The following PPP3R1 variants were observed in gnomAD, a reference collection of about 807,000 sequenced individuals.
The protein encoded by PPP3R1 is calcineurin subunit B type 1.
PPP3R1 carries 5 observed loss-of-function variants against 22.6 expected under a neutral mutation model. The observed-to-expected ratio is 0.22, with a 90% confidence interval of 0.12 to 0.46. The LOEUF (loss-of-function observed/expected upper bound fraction) is 0.46. Ranked by LOEUF, PPP3R1 falls within the 20% of genes least tolerant of loss-of-function variation. The pLI, the probability that PPP3R1 is intolerant of heterozygous loss-of-function variation, is 0.99. For missense variants in PPP3R1, 61 were observed against 203.2 expected (o/e 0.30, Z 4.25); for synonymous variants, 56 against 65.2 (o/e 0.86, Z 0.68).
At chr2:68,214,884 C>T (rs1013205462) in intron 2 of PPP3R1, among the ~76,000 whole-genome samples, 1 of 152,032 alleles carries the variant, frequency 6.6e-6, no homozygotes, top group South Asian at 2.1e-4. Flanking sequence ...ATGGAATAAA[C>T]CTAAATACCC....
chr2:68,205,242 CTTTTTT>C (rs397984912), intron 2 of PPP3R1, among the ~76,000 whole-genome samples: 6 of 123,484 alleles, frequency 4.9e-5, no homozygotes, highest in Admixed American at 9.1e-5. Flanking sequence ...TCAGTATTAT[CTTTTTT>C]TTTTTTTTTT....
At chr2:68,231,066 C>G (rs1014675315) in intron 1 of PPP3R1, among the ~76,000 whole-genome samples, 1 of 152,162 alleles carries the variant, frequency 6.6e-6, no homozygotes, top group East Asian at 1.9e-4. Flanking sequence ...TCCTTAAGTA[C>G]TTTTTCAATC....
intron 2 of PPP3R1, among the ~76,000 whole-genome samples, chr2:68,203,727 A>C (rs944754037): frequency 1.3e-5 from 2 of 152,208 alleles, no homozygotes; most frequent in Non-Finnish European, 2.9e-5. Flanking sequence ...GCAGACATTA[A>C]CAGCAAAGTT....
chr2:68,180,189 T>G lies in PPP3R1; in HGVS notation c.*774A>C, dbSNP rs780591290. 6.6e-6 allele frequency: 1 copy of G among 152,222 alleles called. No homozygotes were observed. Among genetic ancestry groups the G allele is most frequent in the African/African-American group, 2.4e-5 (1 of 41,462 alleles). 9.4% of individuals were successfully genotyped at this position (152,222 alleles called of 1,614,324 possible). On this transcript the variant is annotated 3_prime_UTR_variant, in exon 6 of 6. Coordinates refer to ENST00000234310, the MANE Select transcript of PPP3R1 (RefSeq NM_000945.4). ...GGCTCCTAGTTACAAAGTAGCAGAA[T>G]GAAGCAGCTATAAGCCCTGTGCAGT...
intron 1 of PPP3R1, among the ~76,000 whole-genome samples, chr2:68,251,388 C>T (rs1670347605): frequency 6.6e-6 from 1 of 152,226 alleles, no homozygotes; most frequent in South Asian, 2.1e-4. Context: ...TGAAAAAACC[C>T]TTGGTAGTAA....
chr2:68,246,161 G>A (rs1480978829), intron 1 of PPP3R1, among the ~76,000 whole-genome samples: 1 of 125,880 alleles, frequency 7.9e-6, no homozygotes, highest in East Asian at 2.7e-4. Flanking sequence ...TGCAACCTCC[G>A]CCTCCCGGGT....
chr2:68,179,002 A>AG lies in PPP3R1; in HGVS notation c.*1960_*1961insC. 1 of 128,596 alleles carries AG rather than the reference A, an allele frequency of 7.8e-6. No individual in the cohort carries two copies. The highest frequency in any genetic ancestry group is 1.6e-5 in the Non-Finnish European group (1 of 63,892). The allele number at this position is 128,596 out of a possible 1,614,324, so 8.0% of individuals were successfully genotyped here. The stretch of plus-strand genomic sequence containing the variant: ...CCACCCCCACACACAAACTAAAAAA[A>AG]AAAAAAAAAAAAAAGAAAAAGAAAA... On this transcript the variant is annotated 3_prime_UTR_variant, in exon 6 of 6. Transcript: ENST00000234310.
intron 2 of PPP3R1, among the ~76,000 whole-genome samples, chr2:68,198,322 T>C (rs61247217): frequency 0.34 from 40,761 of 121,074 alleles, 5,951 homozygotes; most frequent in South Asian, 0.54. Flanking sequence ...TATATGTATA[T>C]ACATATGTAC....
chr2:68,197,785 G>C (rs1674820000), intron 2 of PPP3R1, among the ~76,000 whole-genome samples: 3 of 151,660 alleles, frequency 2.0e-5, no homozygotes. Flanking sequence ...CTTTTCATAG[G>C]TGTATTTTTA....
chr2:68,223,715 A>G (rs1362276903), intron 1 of PPP3R1, among the ~76,000 whole-genome samples: 1 of 152,096 alleles, frequency 6.6e-6, no homozygotes, highest in Non-Finnish European at 1.5e-5. Context: ...AAGGTTATCT[A>G]CAAAAATTCT....
chr2:68,196,873 C>T (rs1387703168), intron 2 of PPP3R1, among the ~76,000 whole-genome samples: 11 of 151,954 alleles, frequency 7.2e-5, no homozygotes, highest in African/African-American at 2.7e-4. Flanking sequence ...TACAGGCGTG[C>T]GCCACCACGC....
chr2:68,200,706 G>C (rs59547860), intron 2 of PPP3R1, among the ~76,000 whole-genome samples: 3,207 of 152,238 alleles, frequency 0.021, 126 homozygotes, highest in African/African-American at 0.074. Flanking sequence ...AGGAGCCTTA[G>C]GCATCATTTC....
At chr2:68,239,070 G>C (rs1262288868) in intron 1 of PPP3R1, among the ~76,000 whole-genome samples, 1 of 152,170 alleles carries the variant, frequency 6.6e-6, no homozygotes, top group African/African-American at 2.4e-5. Flanking sequence ...AGGATTATTT[G>C]AAGCAAAGTT....
chr2:68,196,384 G>A (rs1263835721), intron 2 of PPP3R1, among the ~76,000 whole-genome samples: 2 of 152,146 alleles, frequency 1.3e-5, no homozygotes, highest in African/African-American at 4.8e-5. Flanking sequence ...TAATGATCTT[G>A]TTGTGTACCA....
chr2:68,187,941 G>A (rs1050275224), intron 3 of PPP3R1, among the ~76,000 whole-genome samples: 1 of 152,100 alleles, frequency 6.6e-6, no homozygotes, highest in Non-Finnish European at 1.5e-5. Context: ...GTTGAGGCAC[G>A]TGGATCACTT....
At chr2:68,206,655 C>G (rs1168679027) in intron 2 of PPP3R1, among the ~76,000 whole-genome samples, 1 of 152,126 alleles carries the variant, frequency 6.6e-6, no homozygotes, top group Non-Finnish European at 1.5e-5. Flanking sequence ...ATTTCCTTAA[C>G]CAAAGGTCAT....
intron 5 of PPP3R1, among the ~76,000 whole-genome samples, chr2:68,183,071 C>T (rs1252408513): frequency 6.6e-6 from 1 of 152,196 alleles, no homozygotes; most frequent in African/African-American, 2.4e-5. Context: ...CCTCTGCTTC[C>T]TGGATCCTAC....
intron 1 of PPP3R1, among the ~76,000 whole-genome samples, chr2:68,221,773 A>G (rs1010446087): frequency 3.9e-5 from 6 of 152,078 alleles, no homozygotes; most frequent in African/African-American, 1.4e-4. Context: ...TACATACAAC[A>G]TAATTACTAC....
chr2:68,185,461 TTA>T (rs1558626467), intron 5 of PPP3R1, among the ~76,000 whole-genome samples: 10 of 147,708 alleles, frequency 6.8e-5, no homozygotes, highest in African/African-American at 2.5e-4. Flanking sequence ...TATTTATAAT[TTA>T]TATATTATAT....
Sources: gnomAD v4.1 joint callset for allele counts (sites outside exome capture counted in the v4.1 genomes callset) on GRCh38, gnomAD v4.1.1 for gene constraint, MANE v1.5 for transcripts, NCBI Gene and HGNC (gene_info 2026-07-23, HGNC 2026-07-21) for gene names.